Variants in GPD2 observed in about 807,000 individuals in gnomAD.
GPD2 encodes the protein glycerol-3-phosphate dehydrogenase 2.
Under a neutral mutation model 82.4 loss-of-function variants are expected in GPD2, and 54 were observed. The ratio of observed to expected loss-of-function variants is 0.66; its 90% CI spans 0.53 to 0.82. GPD2 has a LOEUF of 0.82. Ranked by LOEUF, GPD2 falls within the 40% of genes least tolerant of loss-of-function variation. The pLI is 0.00. For synonymous variants in GPD2, 288 were observed against 306.1 expected (o/e 0.94, Z 0.62); for missense variants, 748 against 896.2 (o/e 0.83, Z 2.11).
chr2:156,468,483 A>G (rs1198391853), intron 1 of GPD2, among the ~76,000 whole-genome samples: 1 of 152,214 alleles, frequency 6.6e-6, no homozygotes, highest in Admixed American at 6.5e-5. Flanking sequence ...ATGCACAGCT[A>G]CAGGAGCAGG....
At chr2:156,463,208 T>C (rs1683047307) in intron 1 of GPD2, among the ~76,000 whole-genome samples, 1 of 152,230 alleles carries the variant, frequency 6.6e-6, no homozygotes, top group Non-Finnish European at 1.5e-5. Flanking sequence ...GAATTCATGG[T>C]TAATATTATT....
At chr2:156,477,552 G>A (rs992321200) in intron 2 of GPD2, among the ~76,000 whole-genome samples, 6 of 152,282 alleles carry the variant, frequency 3.9e-5, no homozygotes, top group South Asian at 2.1e-4. Flanking sequence ...GGGTGATACC[G>A]AAAGTCTTTT....
intron 6 of GPD2, among the ~76,000 whole-genome samples, chr2:156,543,194 G>A (rs532424264): frequency 6.6e-6 from 1 of 152,278 alleles, no homozygotes; most frequent in East Asian, 1.9e-4. Flanking sequence ...TAGGTAGAGA[G>A]ATAATAGTCC....
chr2:156,419,672 T>C, the GPD2 span, among the ~76,000 whole-genome samples: 2 of 152,222 alleles, frequency 1.3e-5, no homozygotes, highest in Non-Finnish European at 1.5e-5. Context: ...AAGAACAAGA[T>C]TGAAGAGACA....
At chr2:156,480,271 A>G (rs147840979) in intron 2 of GPD2, among the ~76,000 whole-genome samples, 1 of 152,176 alleles carries the variant, frequency 6.6e-6, no homozygotes, top group Non-Finnish European at 1.5e-5. Context: ...AGTAGAGAGC[A>G]TTAAAGTCAG....
intron 1 of GPD2, among the ~76,000 whole-genome samples, chr2:156,469,247 C>T (rs1056443638): frequency 2.6e-5 from 4 of 152,208 alleles, no homozygotes; most frequent in Non-Finnish European, 5.9e-5. Flanking sequence ...GCAACCTCCA[C>T]CTCCCAGGTT....
At position 156,550,731 on chromosome 2, in the gene GPD2, T is replaced by C. The variant is rs548291149; in HGVS notation, c.956T>C (p.Met319Thr). The change falls in exon 8 of 17, where the codon ATG (methionine) becomes ACG (threonine). Residue 319 changes from methionine to threonine, a missense_variant. Coordinates refer to ENST00000438166, the MANE Select transcript of GPD2 (RefSeq NM_000408.5). ...CQPSAGVHIV[M>T]PGYYSPESMG... ...CCAAGTGCTGGTGTCCATATTGTGA[T>C]GCCTGGTTATTACAGGTAATTGTCT... 2 of 1,613,720 alleles carry C rather than the reference T, an allele frequency of 1.2e-6. No individual in the cohort carries two copies. Among genetic ancestry groups the C allele is most frequent in the African/African-American group, 1.3e-5 (1 of 75,024 alleles).
chr2:156,484,011 T>TA (rs1311162339), intron 2 of GPD2, among the ~76,000 whole-genome samples: 1 of 97,338 alleles, frequency 1.0e-5, no homozygotes, highest in African/African-American at 3.5e-5. Flanking sequence ...TTTTTTTTTT[T>TA]ACCAGATTGC....
At chr2:156,428,932 T>C in the GPD2 span, among the ~76,000 whole-genome samples, 3 of 152,208 alleles carry the variant, frequency 2.0e-5, no homozygotes, top group African/African-American at 7.2e-5. Context: ...TCTGTGCGTG[T>C]AAAAAACTTT....
intron 1 of GPD2, among the ~76,000 whole-genome samples, chr2:156,463,791 C>A (rs1270157998): frequency 1.3e-5 from 2 of 152,026 alleles, no homozygotes; most frequent in Non-Finnish European, 2.9e-5. Context: ...AAAAAAAGAT[C>A]AATGACAGCT....
chr2:156,410,245 A>G, the GPD2 span, among the ~76,000 whole-genome samples: 2 of 152,300 alleles, frequency 1.3e-5, no homozygotes, highest in Admixed American at 1.3e-4. Context: ...CTACAGAAGG[A>G]TCTGAATGAG....
At chr2:156,477,985 A>C (rs1419896015) in intron 2 of GPD2, among the ~76,000 whole-genome samples, 1 of 152,190 alleles carries the variant, frequency 6.6e-6, no homozygotes, top group East Asian at 1.9e-4. Context: ...ATCTAATATG[A>C]TGAGTTGTTG....
intron 1 of GPD2, among the ~76,000 whole-genome samples, chr2:156,443,093 G>A (rs763901199): frequency 1.1e-4 from 16 of 152,190 alleles, no homozygotes; most frequent in Admixed American, 3.3e-4. Context: ...CTATTCTGAT[G>A]TTCTTCCTTC....
chr2:156,450,455 G>C (rs1231008046), intron 1 of GPD2, among the ~76,000 whole-genome samples: 1 of 152,140 alleles, frequency 6.6e-6, no homozygotes, highest in Non-Finnish European at 1.5e-5. Context: ...AGTGGGATGG[G>C]ATGGAAAGCA....
rs977514312 is a variant in GPD2 at position 156,585,461 on chromosome 2, A to T, written c.*2543A>T. The T allele has an allele frequency of 6.6e-6, 1 of 152,412 alleles. No individual in the cohort carries two copies. The highest frequency in any genetic ancestry group is 2.4e-5 in the African/African-American group (1 of 41,408). The allele number at this position is 152,412 out of a possible 1,614,324, so 9.4% of individuals were successfully genotyped here. On this transcript the variant is annotated 3_prime_UTR_variant, in exon 17 of 17. Coordinates refer to ENST00000438166, the MANE Select transcript of GPD2 (RefSeq NM_000408.5). ...TACTCCTTTAAATAGCCCCCACCAC[A>T]GTCATAACAATAATGATAATGCTGG...
At chr2:156,411,061 T>G in the GPD2 span, among the ~76,000 whole-genome samples, 1 of 152,238 alleles carries the variant, frequency 6.6e-6, no homozygotes, top group Non-Finnish European at 1.5e-5. Context: ...CTACATATAG[T>G]GTTTATAAGA....
the GPD2 span, among the ~76,000 whole-genome samples, chr2:156,415,068 C>A: frequency 6.6e-6 from 1 of 151,726 alleles, no homozygotes; most frequent in African/African-American, 2.4e-5. Context: ...ATCACCCGAG[C>A]AGTATACATT....
chr2:156,452,623 G>C (rs190292450), intron 1 of GPD2, among the ~76,000 whole-genome samples: 19 of 152,328 alleles, frequency 1.2e-4, no homozygotes, highest in Admixed American at 1.1e-3. Context: ...AAGCAGAGAC[G>C]TGGAAAAGTT....
chr2:156,405,966 A>G, the GPD2 span, among the ~76,000 whole-genome samples: 1 of 152,100 alleles, frequency 6.6e-6, no homozygotes, highest in Non-Finnish European at 1.5e-5. Flanking sequence ...AAAAGTGGCC[A>G]GGCTTATATC....
Sources: allele counts gnomAD v4.1 joint callset (sites outside exome capture counted in the v4.1 genomes callset), GRCh38; gene constraint gnomAD v4.1.1; transcripts MANE v1.5; gene names NCBI Gene and HGNC (gene_info 2026-07-23, HGNC 2026-07-21).